Variants in DENND6A observed in about 807,000 individuals in gnomAD.
DENND6A encodes the protein DENN domain containing 6A, also known as protein DENND6A.
Under a neutral mutation model 95.5 loss-of-function variants are expected in DENND6A, and 43 were observed. The observed-to-expected ratio is 0.45, with a 90% CI of 0.35 to 0.58. The LOEUF is 0.58. DENND6A is among the 20% of genes least tolerant of loss of function. The pLI is 0.00. For missense variants in DENND6A, 574 were observed against 736.0 expected, an observed-to-expected ratio of 0.78 and a Z score of 2.55; for synonymous variants, 257 against 260.4, an observed-to-expected ratio of 0.99 and a Z score of 0.13.
intron 1 of DENND6A, among the ~76,000 whole-genome samples, chr3:57,680,610 G>GT (rs2077155937): frequency 6.6e-6 from 1 of 152,138 alleles, no homozygotes; most frequent in Non-Finnish European, 1.5e-5. Flanking sequence ...CCAGTTTGTG[G>GT]TATTTTGTGA....
chr3:57,646,142 T>A (rs943199907), intron 10 of DENND6A, among the ~76,000 whole-genome samples, 174 bp downstream of exon 10: 1 of 152,192 alleles, frequency 6.6e-6, no homozygotes, highest in African/African-American at 2.4e-5. Flanking sequence ...AATTTTCTCA[T>A]CCATAAAATG....
At chr3:57,655,223 C>T (rs546823800) in intron 9 of DENND6A, among the ~76,000 whole-genome samples, 2 of 152,118 alleles carry the variant, frequency 1.3e-5, no homozygotes, top group East Asian at 1.9e-4. Context: ...TTAGTAGAGA[C>T]GGGGTTTCAC....
chr3:57,680,303 C>T (rs753814920), intron 1 of DENND6A, among the ~76,000 whole-genome samples: 4 of 152,162 alleles, frequency 2.6e-5, no homozygotes, highest in Non-Finnish European at 5.9e-5. Context: ...TGGATATCAT[C>T]AAAATTTAAA....
At chr3:57,682,953 C>G (rs1365302169) in intron 1 of DENND6A, among the ~76,000 whole-genome samples, 2 of 152,234 alleles carry the variant, frequency 1.3e-5, no homozygotes, top group East Asian at 1.9e-4. Context: ...GCTGGGACTA[C>G]AGGCATGAGC....
intron 15 of DENND6A, among the ~76,000 whole-genome samples, chr3:57,631,716 CTTTTTTTTTTTTTTT>C (rs1156532234): frequency 1.1e-5 from 1 of 92,014 alleles, no homozygotes; most frequent in Admixed American, 1.4e-4. Context: ...TCTCTGCTCT[CTTTTTTTTTTTTTTT>C]TTTTTTTTTG....
At chr3:57,676,808 CTAT>C (rs987190853) in intron 1 of DENND6A, among the ~76,000 whole-genome samples, 16 of 152,030 alleles carry the variant, frequency 1.1e-4, no homozygotes. Flanking sequence ...GCTCAAACTG[CTAT>C]TTTTTATTTT....
Position 57,645,671 on chromosome 3 carries a change from T to C in DENND6A, c.1027A>G (p.Thr343Ala), listed in dbSNP as rs267599915. The change falls in exon 11 of 20, where the codon ACC becomes GCC. Residue 343 changes from threonine to alanine, a missense_variant. Thr to Ala is a moderately conservative substitution (Grantham distance 58). Around this residue, in one of 2 missense-constraint regions of DENND6A, gnomAD observed 452 missense variants for 630.9 expected, o/e 0.72. Coordinates refer to ENST00000311128, the MANE Select transcript of DENND6A (RefSeq NM_152678.3). ...DSEFKEYTTR[T>A]QAPPSVILGV... ...GTTATTTTTACTTACGGAGCTTGGGTACGGGTAGTATATTCTTTGAATTCA... is the reference window on the plus strand; with the variant it reads ...GTTATTTTTACTTACGGAGCTTGGGCACGGGTAGTATATTCTTTGAATTCA... The C allele has an allele frequency of 6.2e-7, 1 of 1,611,244 alleles. No individual in the cohort carries two copies. The highest frequency in any genetic ancestry group is 1.3e-5 in the African/African-American group (1 of 74,800).
intron 15 of DENND6A, among the ~76,000 whole-genome samples, chr3:57,632,288 T>G (rs1260288129): frequency 6.6e-6 from 1 of 151,834 alleles, no homozygotes; most frequent in African/African-American, 2.4e-5. Context: ...TCTCCAAAAG[T>G]GCTGGGATTA....
At chr3:57,649,640 A>AT (rs1559814070) in intron 9 of DENND6A, among the ~76,000 whole-genome samples, 10 of 147,486 alleles carry the variant, frequency 6.8e-5, no homozygotes, top group African/African-American at 2.0e-4. Context: ...GAAAAAAAAA[A>AT]AATATATATA....
chr3:57,693,024 GC>G lies in DENND6A; in HGVS notation c.-7del. ...GCAGGGCCCCTCAAAGCCATCGGCCGCCCCCTGACCGTTCGCGCCGCCTCCA... is the reference window on the plus strand; with the variant it reads ...GCAGGGCCCCTCAAAGCCATCGGCCGCCCCTGACCGTTCGCGCCGCCTCCA... On this transcript the variant is annotated 5_prime_UTR_variant, in exon 1 of 20. Coordinates refer to ENST00000311128, the MANE Select transcript of DENND6A (RefSeq NM_152678.3). 2 of 1,421,122 alleles carry G rather than the reference GC, an allele frequency of 1.4e-6. No individual in the cohort carries two copies. The highest frequency in any genetic ancestry group is 1.8e-6 in the Non-Finnish European group (2 of 1,099,020). 88.0% of individuals were successfully genotyped at this position (1,421,122 alleles called of 1,614,324 possible). A position where few individuals can be genotyped will look rare whatever the true frequency, so the allele number is the denominator to read the frequency against.
rs978312467 is a variant in DENND6A at position 57,628,029 on chromosome 3, T to A, written c.*185A>T. 2 of 706,350 alleles carry A rather than the reference T, an allele frequency of 2.8e-6. No homozygotes were observed. Among genetic ancestry groups the A allele is most frequent in the East Asian group, 3.0e-5 (1 of 33,392 alleles). 43.8% of individuals were successfully genotyped at this position (706,350 alleles called of 1,614,324 possible). On this transcript the variant is annotated 3_prime_UTR_variant, in exon 20 of 20. Coordinates refer to ENST00000311128, the MANE Select transcript of DENND6A (RefSeq NM_152678.3). The stretch of plus-strand genomic sequence containing the variant: ...TATTAAAGTGGAACCACCACAGATA[T>A]CCACTTTAAAAAGTAATGCACTAAA...
At position 57,683,786 on chromosome 3, in the gene DENND6A, C is replaced by T. The variant is rs115573256; in HGVS notation, c.237+8996G>A. On this transcript the variant is annotated intron_variant, in intron 1 of 19. Coordinates refer to ENST00000311128, the MANE Select transcript of DENND6A (RefSeq NM_152678.3). Reference sequence around the variant, plus strand: ...AGTATAGTGGGGGGAAATTAGGCTTCAGAATCAAAAGGACCAGGGTTCAAA... The same window carrying T: ...AGTATAGTGGGGGGAAATTAGGCTTTAGAATCAAAAGGACCAGGGTTCAAA... Among the ~76,000 whole-genome samples, 839 of 152,250 alleles carry T rather than the reference C, an allele frequency of 5.5e-3. 7 individuals carry two copies. The highest frequency in any genetic ancestry group is 0.018 in the African/African-American group (767 of 41,546).
chr3:57,687,996 T>G (rs111233656), intron 1 of DENND6A, among the ~76,000 whole-genome samples: 2 of 145,024 alleles, frequency 1.4e-5, no homozygotes, highest in African/African-American at 4.9e-5. Context: ...TTTTGTTTTT[T>G]GGGTTTGTTT....
At chr3:57,642,036 C>T (rs1026493197) in intron 11 of DENND6A, among the ~76,000 whole-genome samples, 12 of 152,014 alleles carry the variant, frequency 7.9e-5, no homozygotes, top group African/African-American at 2.4e-4. Context: ...AACAATTAGC[C>T]GAGCGCGGTG....
intron 9 of DENND6A, among the ~76,000 whole-genome samples, chr3:57,653,769 C>T (rs1038704430): frequency 8.3e-5 from 12 of 145,034 alleles, no homozygotes; most frequent in African/African-American, 1.3e-4. Flanking sequence ...AAAAAGGTAG[C>T]GTGCTCCAAA....
Position 57,663,617 on chromosome 3 carries a change from T to G in DENND6A, c.513+19A>C, listed in dbSNP as rs557083902. 6.6e-6 allele frequency: 10 copies of G among 1,521,460 alleles called. No individual in the cohort carries two copies. The African/African-American group carries it at 1.4e-4, about 21-fold the overall frequency. The allele number at this position is 1,521,460 out of a possible 1,614,324, so 94.2% of individuals were successfully genotyped here. ...ACAAAATAAAAAATACTTTTTTTAT[T>G]AGTGTGTATGACAATTACCTTCTGA... On this transcript the variant is annotated intron_variant, in intron 5 of 19. Coordinates refer to ENST00000311128, the MANE Select transcript of DENND6A (RefSeq NM_152678.3).
At chr3:57,637,390 T>G (rs1316541866) in intron 12 of DENND6A, among the ~76,000 whole-genome samples, 1 of 152,236 alleles carries the variant, frequency 6.6e-6, no homozygotes, top group East Asian at 1.9e-4. Context: ...TCAGGAGGAA[T>G]GATCCTTCTG....
chr3:57,657,436 T>C (rs778363310), intron 9 of DENND6A, among the ~76,000 whole-genome samples: 1 of 152,196 alleles, frequency 6.6e-6, no homozygotes, highest in Non-Finnish European at 1.5e-5. Context: ...TATTACAATA[T>C]AATTCTCACA....
intron 1 of DENND6A, among the ~76,000 whole-genome samples, chr3:57,685,570 C>A (rs1292369770): frequency 6.6e-6 from 1 of 151,066 alleles, no homozygotes; most frequent in Non-Finnish European, 1.5e-5. Context: ...GGTTTTGGAG[C>A]GTCTCAGATT....
Sources: gnomAD v4.1 joint callset for allele counts (sites outside exome capture counted in the v4.1 genomes callset) on GRCh38, gnomAD v4.1.1 for gene constraint, gnomAD v4.1.1 regional missense constraint, MANE v1.5 for transcripts, NCBI Gene and HGNC (gene_info 2026-07-23, HGNC 2026-07-21) for gene names.